Variants in WDR33 observed in about 807,000 individuals in gnomAD.
WDR33 encodes the protein WD repeat domain 33, also known as pre-mRNA 3' end processing protein WDR33.
WDR33 carries 47 observed loss-of-function variants against 164.9 expected under a neutral mutation model. The observed-to-expected ratio is 0.29, with a 90% CI of 0.23 to 0.36. WDR33 has a LOEUF of 0.36. Ranked by LOEUF, WDR33 falls within the 10% of genes least tolerant of loss-of-function variation. The pLI is 1.00. For missense variants in WDR33, 1,137 were observed against 1,754.1 expected (o/e 0.65, Z 6.28); for synonymous variants, 505 against 589.0 (o/e 0.86, Z 2.06).
rs1221697247 is a variant in WDR33, at chr2:127,705,940, C to T, written c.*383G>A. 5.2e-6 allele frequency: 1 copy of T among 192,004 alleles called. No homozygotes were observed. Among genetic ancestry groups the T allele is most frequent in the Non-Finnish European group, 1.1e-5 (1 of 95,180 alleles). The allele number at this position is 192,004 out of a possible 1,614,324, so 11.9% of individuals were successfully genotyped here. On this transcript the variant is annotated 3_prime_UTR_variant, in exon 22 of 22. Transcript: ENST00000322313. This position sits in a 1 kb window ranked among gnomAD's most constrained non-coding sequence, Gnocchi z 4.5. ...TTTCTGTCAATTCTTGCGTAAATCA[C>T]ATTCTGTATTCATACAAAAACTTTG... is the stretch of plus-strand genomic sequence containing the variant.
intron 7 of WDR33, among the ~76,000 whole-genome samples, chr2:127,761,357 C>A (rs906220811): frequency 2.6e-5 from 4 of 152,042 alleles, no homozygotes; most frequent in Non-Finnish European, 1.5e-5. Flanking sequence ...CCCACCACGA[C>A]ACCCAGCTAA....
intron 7 of WDR33, among the ~76,000 whole-genome samples, chr2:127,750,758 A>ACATACATATATATGTATG (rs1687332993): frequency 8.1e-6 from 1 of 123,108 alleles, no homozygotes; most frequent in African/African-American, 3.5e-5. Flanking sequence ...ATATATGTAT[A>ACATACATATATATGTATG]CATACATATA....
chr2:127,783,453 C>G (rs1380572306), intron 1 of WDR33, among the ~76,000 whole-genome samples: 1 of 152,146 alleles, frequency 6.6e-6, no homozygotes, highest in East Asian at 1.9e-4. Context: ...CTTTCATCAG[C>G]ACACAAAGCA....
At chr2:127,761,951 G>A (rs1558942065) in intron 7 of WDR33, among the ~76,000 whole-genome samples, 1 of 152,144 alleles carries the variant, frequency 6.6e-6, no homozygotes, top group Non-Finnish European at 1.5e-5. Context: ...CTTGAAATAT[G>A]GGCTGAAATA....
rs1311568577 is a variant in WDR33 at position 127,720,210 on chromosome 2, A to T, written c.1815T>A (p.His605Gln). The T allele has an allele frequency of 3.1e-6, 5 of 1,608,016 alleles. No homozygotes were observed. In the Admixed American group the frequency reaches 8.5e-5, roughly 27 times the overall value. Residue 605 changes from histidine to glutamine, a missense_variant, in exon 16 of 22, where the codon CAT becomes CAA. This residue lies in a region of WDR33 where 867 missense variants were observed against 1,073.0 expected (regional missense o/e 0.81). Coordinates refer to ENST00000322313, the MANE Select transcript of WDR33 (RefSeq NM_018383.5). The surrounding 1 kb of genome is among the most constrained non-coding windows in gnomAD (Gnocchi z 5.9). ...TGTTCATTGGCATCTGCTGAGATGGATGGGGCTGTTGAAAACCTTGAGGAA... is the reference window on the plus strand; with the variant it reads ...TGTTCATTGGCATCTGCTGAGATGGTTGGGGCTGTTGAAAACCTTGAGGAA... The part of the protein sequence containing the change: ...SQIPQGFQQP[H>Q]PSQQMPMNMA...
intron 7 of WDR33, among the ~76,000 whole-genome samples, chr2:127,756,242 G>A (rs771846215): frequency 6.0e-5 from 9 of 151,052 alleles, no homozygotes; most frequent in Non-Finnish European, 1.2e-4. Context: ...GCTGAGACAC[G>A]AGAATTGCTT....
At chr2:127,776,440 A>C (rs948470539) in intron 1 of WDR33, among the ~76,000 whole-genome samples, 16 of 152,324 alleles carry the variant, frequency 1.1e-4, no homozygotes, top group African/African-American at 3.8e-4. Context: ...AGGTTGACAG[A>C]AACATTGAGC....
chr2:127,727,491 G>A (rs952550886), intron 7 of WDR33, among the ~76,000 whole-genome samples: 2 of 151,974 alleles, frequency 1.3e-5, no homozygotes, highest in Non-Finnish European at 2.9e-5. Context: ...AAACAGAAGG[G>A]CTGGAAGGGT....
chr2:127,755,373 G>A (rs941120846), intron 7 of WDR33, among the ~76,000 whole-genome samples: 37 of 152,066 alleles, frequency 2.4e-4, no homozygotes, highest in African/African-American at 8.5e-4. Context: ...AAACATCCAG[G>A]GAAAACTTAC....
In WDR33 at chr2:127,735,726, A is replaced by G; in HGVS notation, c.725-8949T>C. 2.0e-6 allele frequency: 2 copies of G among 985,636 alleles called. No homozygotes were observed. The highest frequency in any genetic ancestry group is 2.4e-6 in the Non-Finnish European group (2 of 829,932). 61.1% of individuals were successfully genotyped at this position (985,636 alleles called of 1,614,324 possible). A position where few individuals can be genotyped will look rare whatever the true frequency, so the allele number is the denominator to read the frequency against. ...GCCCATAGCCAGATACTCCAGTTGG[A>G]CAGAGGATTTAAGATTTTAAAAAAT... is the stretch of plus-strand genomic sequence containing the variant. On this transcript the variant is annotated intron_variant, in intron 7 of 21. Coordinates refer to ENST00000322313, the MANE Select transcript of WDR33 (RefSeq NM_018383.5). This position sits in a 1 kb window ranked among gnomAD's most constrained non-coding sequence, Gnocchi z 4.3.
intron 1 of WDR33, among the ~76,000 whole-genome samples, chr2:127,796,696 C>T (rs892286843): frequency 6.6e-6 from 1 of 151,948 alleles, no homozygotes; most frequent in African/African-American, 2.4e-5. Context: ...TTTATTCCCA[C>T]ATTTTATGTA....
intron 1 of WDR33, among the ~76,000 whole-genome samples, chr2:127,786,838 TCTGTTC>T (rs1688592719): frequency 7.2e-6 from 1 of 139,000 alleles, no homozygotes; most frequent in African/African-American, 2.8e-5. Flanking sequence ...TTTCTTCCTT[TCTGTTC>T]TTTTTTTTTT....
chr2:127,770,675 G>A lies in WDR33; in HGVS notation c.204+103C>T. On this transcript the variant is annotated intron_variant, in intron 2 of 21. Transcript: ENST00000322313. This position sits in a 1 kb window ranked among gnomAD's most constrained non-coding sequence, Gnocchi z 4.9. ...CACTGCACTCTGGCCTGGGCAACAA[G>A]AAAGAAACTCCATCTCAAAATAAAT... 1 of 901,728 alleles carries A rather than the reference G, an allele frequency of 1.1e-6. No homozygotes were observed. The highest frequency in any genetic ancestry group is 4.2e-5 in the East Asian group (1 of 24,026). The allele number at this position is 901,728 out of a possible 1,614,324, so 55.9% of individuals were successfully genotyped here.
At position 127,702,814 on chromosome 2, in the gene WDR33, C is replaced by T. The variant is rs568084794; in HGVS notation, c.*3509G>A. 9 of 166,906 alleles carry T rather than the reference C, an allele frequency of 5.4e-5. No homozygotes were observed. The South Asian group carries it at 1.9e-3, about 35-fold the overall frequency. The allele number at this position is 166,906 out of a possible 1,614,324, so 10.3% of individuals were successfully genotyped here. A position where few individuals can be genotyped will look rare whatever the true frequency, so the allele number is the denominator to read the frequency against. On this transcript the variant is annotated 3_prime_UTR_variant, in exon 22 of 22. Coordinates refer to ENST00000322313, the MANE Select transcript of WDR33 (RefSeq NM_018383.5). ...TGTATTTCACGACGAAAGCGACGGA[C>T]CAAAAGAAATTTCCTGCCCCAAGAA... is the stretch of plus-strand genomic sequence containing the variant.
chr2:127,731,222 G>A (rs1256988820), intron 7 of WDR33, among the ~76,000 whole-genome samples: 2 of 149,922 alleles, frequency 1.3e-5, no homozygotes, highest in Non-Finnish European at 3.0e-5. Context: ...TGAGCCCAGG[G>A]AGGCGGAGGT....
intron 7 of WDR33, among the ~76,000 whole-genome samples, chr2:127,747,452 A>G (rs1359528576): frequency 6.6e-6 from 1 of 152,004 alleles, no homozygotes; most frequent in Non-Finnish European, 1.5e-5. Context: ...AAAAAAAAAA[A>G]GTAAAAACTT....
At chr2:127,778,522 C>T (rs946087404) in intron 1 of WDR33, among the ~76,000 whole-genome samples, 1 of 151,720 alleles carries the variant, frequency 6.6e-6, no homozygotes, top group African/African-American at 2.4e-5. Flanking sequence ...TGAACACACA[C>T]ACACACACAC....
Position 127,735,802 on chromosome 2 carries a change from G to A in WDR33, c.725-9025C>T. On this transcript the variant is annotated intron_variant, in intron 7 of 21. Coordinates refer to ENST00000322313, the MANE Select transcript of WDR33 (RefSeq NM_018383.5). This position sits in a 1 kb window ranked among gnomAD's most constrained non-coding sequence, Gnocchi z 4.3. ...TGGTCAAGGAATATGCAATTTATTA[G>A]TATTTTACCTTCCTTTAATGCAAAA... 1.0e-6 allele frequency: 1 copy of A among 985,394 alleles called. No individual in the cohort carries two copies. The highest frequency in any genetic ancestry group is 1.2e-6 in the Non-Finnish European group (1 of 829,898). The allele number at this position is 985,394 out of a possible 1,614,324, so 61.0% of individuals were successfully genotyped here. A position where few individuals can be genotyped will look rare whatever the true frequency, so the allele number is the denominator to read the frequency against.
At chr2:127,779,477 T>TA (rs908446846) in intron 1 of WDR33, among the ~76,000 whole-genome samples, 2 of 151,672 alleles carry the variant, frequency 1.3e-5, no homozygotes, top group South Asian at 2.1e-4. Context: ...AAAAAAAAGT[T>TA]AAAAAAAATA....
Sources: allele counts gnomAD v4.1 joint callset (sites outside exome capture counted in the v4.1 genomes callset), GRCh38; gene constraint gnomAD v4.1.1; regional missense constraint gnomAD v4.1.1; non-coding constraint Gnocchi (gnomAD v3.1); transcripts MANE v1.5; gene names NCBI Gene and HGNC (gene_info 2026-07-23, HGNC 2026-07-21).